GRAMD1B: variants seen among roughly 807,000 people sequenced by gnomAD.
The protein encoded by GRAMD1B is GRAM domain containing 1B, also known as protein Aster-B.
A neutral mutation model predicts 99.7 loss-of-function variants in GRAMD1B; 37 were observed. That is an observed-to-expected ratio of 0.37 (90% CI 0.29 to 0.49). The LOEUF (loss-of-function observed/expected upper bound fraction) is 0.49. Ranked by LOEUF, GRAMD1B falls within the 20% of genes least tolerant of loss-of-function variation. The pLI, the probability that GRAMD1B is intolerant of heterozygous loss-of-function variation, is 0.98. For missense variants in GRAMD1B, 888 were observed against 1,009.2 expected, an observed-to-expected ratio of 0.88 and a Z score of 1.63; for synonymous variants, 427 against 387.6, an observed-to-expected ratio of 1.10 and a Z score of -1.19.
chr11:123,379,780 A>G (rs1026619441), intron 1 of GRAMD1B, among the ~76,000 whole-genome samples: 3 of 152,202 alleles, frequency 2.0e-5, no homozygotes, highest in Non-Finnish European at 4.4e-5. Context: ...GGACTGCACT[A>G]TTTTACATTC....
At chr11:123,429,526 A>AG (rs528237081), upstream of GRAMD1B, among the ~76,000 whole-genome samples, 10 of 152,018 alleles carry the variant, frequency 6.6e-5, no homozygotes, top group South Asian at 2.1e-4. The surrounding 1 kb of genome is among the most constrained non-coding windows in gnomAD (Gnocchi z 4.0). Context: ...CAGCAATGTA[A>AG]GGGGGGGTAC....
At chr11:123,494,419 C>CTT (rs772746624) in intron 2 of GRAMD1B, among the ~76,000 whole-genome samples, 3 of 138,642 alleles carry the variant, frequency 2.2e-5, no homozygotes, top group Non-Finnish European at 4.7e-5. Flanking sequence ...CACTTAAGGC[C>CTT]TTTTTTTTTT....
intron 1 of GRAMD1B, among the ~76,000 whole-genome samples, chr11:123,417,437 T>C (rs1287365353): frequency 1.3e-5 from 2 of 152,146 alleles, no homozygotes; most frequent in African/African-American, 4.8e-5. Flanking sequence ...CATTGTGTAG[T>C]ATAGGTGCAT....
intron 1 of GRAMD1B, among the ~76,000 whole-genome samples, chr11:123,479,945 C>CTAGATTGAGCCTAGAGTTTCTAGTTT (rs1200253692): frequency 9.2e-5 from 14 of 152,096 alleles, no homozygotes; most frequent in African/African-American, 3.1e-4. Flanking sequence ...AGCAAAAACA[C>CTAGATTGAGCCTAGAGTTTCTAGTTT]GTGGCTCTAG....
chr11:123,425,956 T>C (rs1948632892), upstream of GRAMD1B, among the ~76,000 whole-genome samples: 1 of 152,210 alleles, frequency 6.6e-6, no homozygotes, highest in Non-Finnish European at 1.5e-5. Context: ...TCTCCTGTCT[T>C]CATCCCCGAA....
At chr11:123,501,981 C>T (rs543903364) in intron 2 of GRAMD1B, among the ~76,000 whole-genome samples, 102 of 152,302 alleles carry the variant, frequency 6.7e-4, no homozygotes, top group Non-Finnish European at 1.3e-3. Flanking sequence ...AGTGAAGCCC[C>T]ATAGGTATTT....
chr11:123,533,706 CG>C (rs1943655390), intron 2 of GRAMD1B, among the ~76,000 whole-genome samples: 2 of 152,220 alleles, frequency 1.3e-5, no homozygotes. Flanking sequence ...GGTTTACTGG[CG>C]TGAGCCACTG....
intron 1 of GRAMD1B, among the ~76,000 whole-genome samples, chr11:123,435,135 C>T (rs1949102323): frequency 6.6e-6 from 1 of 152,296 alleles, no homozygotes; most frequent in Middle Eastern, 3.4e-3. Flanking sequence ...GCACCTGAGC[C>T]TCCTCACACA....
chr11:123,599,511 C>T (rs552384870), intron 7 of GRAMD1B: 15 of 551,820 alleles, frequency 2.7e-5, no homozygotes, highest in African/African-American at 2.6e-4. Context: ...CTCACTCTGT[C>T]ACCCAGGCTG....
At chr11:123,589,637 T>TATATATATATATATATATA (rs1565424189) in intron 4 of GRAMD1B, among the ~76,000 whole-genome samples, 2 of 147,338 alleles carry the variant, frequency 1.4e-5, no homozygotes, top group African/African-American at 5.1e-5. Flanking sequence ...TATATATATA[T>TATATATATATATATATATA]TTGTAGTAGA....
chr11:123,416,353 C>T (rs1234086765), intron 1 of GRAMD1B, among the ~76,000 whole-genome samples: 2 of 152,250 alleles, frequency 1.3e-5, no homozygotes, highest in African/African-American at 4.8e-5. Flanking sequence ...TTCTCTAGTT[C>T]CTTTAGAAAA....
rs1164099831 is a variant in GRAMD1B at position 123,372,022 on chromosome 11, G to T, written c.-176+13223G>T. On this transcript the variant is annotated intron_variant, in intron 1 of 20. Transcript: ENST00000638157. Reference sequence around the variant, plus strand: ...TCAGGGGAAAAAAAAAATCTCTGTTGTGTTTTATCTGCCTGTTGCTTTGAT... The same window carrying T: ...TCAGGGGAAAAAAAAAATCTCTGTTTTGTTTTATCTGCCTGTTGCTTTGAT... 2.6e-5 allele frequency among the ~76,000 whole-genome samples: 4 copies of T among 152,242 alleles called. No individual in the cohort carries two copies. In the East Asian group the frequency reaches 7.7e-4, roughly 29 times the overall value.
chr11:123,388,459 G>C (rs559587835), intron 1 of GRAMD1B, among the ~76,000 whole-genome samples: 122 of 152,058 alleles, frequency 8.0e-4, no homozygotes, highest in African/African-American at 2.8e-3. Context: ...GATCACTTGA[G>C]TCCAGGAGTT....
At chr11:123,530,636 C>A (rs1206153721) in intron 2 of GRAMD1B, among the ~76,000 whole-genome samples, 1 of 152,184 alleles carries the variant, frequency 6.6e-6, no homozygotes, top group Non-Finnish European at 1.5e-5. Flanking sequence ...CTGCCTTGGC[C>A]TCCCAAAGTG....
intron 7 of GRAMD1B, 86 bp from the exon 8 acceptor site, chr11:123,600,382 C>G (rs1463751356): frequency 7.2e-6 from 6 of 827,648 alleles, no homozygotes; most frequent in African/African-American, 1.7e-5. Flanking sequence ...AAGTCAGTAT[C>G]TTTTCTTAAA....
intron 1 of GRAMD1B, among the ~76,000 whole-genome samples, chr11:123,404,279 T>C (rs761264336): frequency 6.6e-6 from 1 of 152,012 alleles, no homozygotes; most frequent in African/African-American, 2.4e-5. Flanking sequence ...TCACTAGATG[T>C]TGCAAAACAG....
intron 1 of GRAMD1B, among the ~76,000 whole-genome samples, chr11:123,410,423 A>C (rs1948004354): frequency 6.6e-6 from 1 of 152,136 alleles, no homozygotes; most frequent in Non-Finnish European, 1.5e-5. Flanking sequence ...CAAACTCCTG[A>C]GAGAGAGCAA....
At chr11:123,573,000 CG>C (rs1374433230) in intron 2 of GRAMD1B, among the ~76,000 whole-genome samples, 2 of 148,018 alleles carry the variant, frequency 1.4e-5, no homozygotes, top group Non-Finnish European at 3.0e-5. Context: ...AGATAGGCCC[CG>C]ATGGCTGGGG....
chr11:123,407,989 G>A (rs917024277), intron 1 of GRAMD1B, among the ~76,000 whole-genome samples: 8 of 152,174 alleles, frequency 5.3e-5, no homozygotes, highest in Non-Finnish European at 1.0e-4. Context: ...GAAGCCTCTG[G>A]GGGTTAGGAT....
Sources: gnomAD v4.1 joint callset for allele counts (sites outside exome capture counted in the v4.1 genomes callset) on GRCh38, gnomAD v4.1.1 for gene constraint, Gnocchi (gnomAD v3.1) non-coding constraint, MANE v1.5 for transcripts, NCBI Gene and HGNC (gene_info 2026-07-23, HGNC 2026-07-21) for gene names.